CATSPER1: variants seen among roughly 807,000 people sequenced by gnomAD.
The protein encoded by CATSPER1 is cation channel sperm-associated protein 1.
Under a neutral mutation model 72.7 loss-of-function variants are expected in CATSPER1, and 57 were observed. That is an observed-to-expected ratio of 0.78 (90% CI 0.63 to 0.98). The LOEUF (loss-of-function observed/expected upper bound fraction) is 0.98. Among genes scored for constraint, CATSPER1 ranks in the 50% least tolerant of loss-of-function variants. The pLI, the probability that CATSPER1 is intolerant of heterozygous loss-of-function variation, is 0.00. For missense variants in CATSPER1, 910 were observed against 1,033.9 expected (o/e 0.88, Z 1.64); for synonymous variants, 363 against 403.0 (o/e 0.90, Z 1.19).
chr11:66,019,010 C>T, intron 9 of CATSPER1, 108 bp from the exon 10 acceptor site: 1 of 936,708 alleles, frequency 1.1e-6, no homozygotes, highest in South Asian at 1.4e-5. Flanking sequence ...GGCCAGGCTG[C>T]TCCAGGAGGT....
Position 66,026,310 on chromosome 11 carries a change from G to T in CATSPER1, c.70C>A (p.Arg24Ser). Reference protein sequence around the residue: ...ADTNNADRFFRSHSSPPHHRP... With the variant: ...ADTNNADRFFSSHSSPPHHRP... ...TGGTGTGGGGGTGATGAGTGAGAGC[G>T]AAAGAACCTATCTGCGTTATTGGTG... is the stretch of plus-strand genomic sequence containing the variant. Residue 24 changes from arginine (R) to serine (S), a missense_variant, in exon 1 of 12, where the codon CGC (arginine) becomes AGC (serine). By Grantham distance (110) the Arg-to-Ser change is moderately radical (BLOSUM62 -1). Coordinates refer to ENST00000312106, the MANE Select transcript of CATSPER1 (RefSeq NM_053054.4). The T allele has an allele frequency of 1.2e-6, 2 of 1,614,184 alleles. 1 individual carries two copies. Among genetic ancestry groups the T allele is most frequent in the South Asian group, 2.2e-5 (2 of 91,086 alleles).
chr11:66,023,107 A>G, intron 1 of CATSPER1, 46 bp from the exon 2 acceptor site: 2 of 1,556,040 alleles, frequency 1.3e-6, no homozygotes, highest in Non-Finnish European at 1.8e-6. Flanking sequence ...AAGAGGGGAC[A>G]CGAGGTCCCA....
Position 66,021,770 on chromosome 11 carries a change from A to G in CATSPER1, c.1539T>C (p.Asn513=). Residue 513 remains asparagine, a synonymous_variant, in exon 3 of 12, where the codon AAT becomes AAC. Coordinates refer to ENST00000312106, the MANE Select transcript of CATSPER1 (RefSeq NM_053054.4). ...GLSYFFDFWN[N]LDFFIMAMAV... Reference sequence around the variant, plus strand: ...CCTGGCCCCGGCCGCACCCACCCAAATTGTTCCAGAAGTCAAAGAAGTACG... The same window carrying G: ...CCTGGCCCCGGCCGCACCCACCCAAGTTGTTCCAGAAGTCAAAGAAGTACG... The G allele has an allele frequency of 1.2e-6, 2 of 1,613,996 alleles. No individual in the cohort carries two copies. Among genetic ancestry groups the G allele is most frequent in the Non-Finnish European group, 1.7e-6 (2 of 1,179,922 alleles).
rs536562473 is a variant in CATSPER1 at position 66,025,092 on chromosome 11, C to T, written c.1216+72G>A. 359 of 1,593,868 alleles carry T rather than the reference C, an allele frequency of 2.3e-4. 5 individuals are homozygous for T. In the South Asian group the frequency reaches 3.4e-3, roughly 15 times the overall value. ...CCTTACGATCTGCGGAAGGACAGTGCGGGGCCGAGATCAGGTCTGGATCCT... is the reference window on the plus strand; with the variant it reads ...CCTTACGATCTGCGGAAGGACAGTGTGGGGCCGAGATCAGGTCTGGATCCT... On this transcript the variant is annotated intron_variant, in intron 1 of 11. Transcript: ENST00000312106.
chr11:66,021,666 C>G lies in CATSPER1; in HGVS notation c.1544-23G>C, dbSNP rs34114713. 398,325 of 1,605,538 alleles carry G rather than the reference C, an allele frequency of 0.25. 52,119 individuals carry two copies. Among genetic ancestry groups the G allele is most frequent in the Admixed American group, 0.43 (24,711 of 57,920 alleles). ...AGTCTGAGGGCACGGGGTGCCTGAG[C>G]CTGGCGGGCTCCCAACGCCAGCGCC... On this transcript the variant is annotated intron_variant, in intron 3 of 11. Coordinates refer to ENST00000312106, the MANE Select transcript of CATSPER1 (RefSeq NM_053054.4).
intron 2 of CATSPER1, 31 bp downstream of exon 2, chr11:66,022,818 C>T: frequency 6.2e-7 from 1 of 1,611,708 alleles, no homozygotes; most frequent in East Asian, 2.2e-5. Flanking sequence ...TCGGTGGCTT[C>T]TCCATGGGAA....
Position 66,022,958 on chromosome 11 carries a change from G to A in CATSPER1, c.1320C>T (p.Ile440=). The A allele has an allele frequency of 6.2e-7, 1 of 1,614,250 alleles. No individual in the cohort carries two copies. The highest frequency in any genetic ancestry group is 8.5e-7 in the Non-Finnish European group (1 of 1,180,044). ...AGGCCAAGGATTGGGTCAGGTTCCG[G>A]ATCATTTCCCGGAAGCCCTGAATGA... is the stretch of plus-strand genomic sequence containing the variant. ...TFLIQGFREM[I]RNLTQSLAFE... The change falls in exon 2 of 12, where the codon ATC becomes ATT. Residue 440 remains isoleucine (I), a synonymous_variant. Coordinates refer to ENST00000312106, the MANE Select transcript of CATSPER1 (RefSeq NM_053054.4).
intron 9 of CATSPER1, among the ~76,000 whole-genome samples, chr11:66,019,327 AG>A (rs974429131): frequency 2.0e-5 from 3 of 150,156 alleles, no homozygotes; most frequent in African/African-American, 7.4e-5. Flanking sequence ...CCCAGGCTGG[AG>A]TGCAGTGGCA....
chr11:66,016,940 G>C, intron 11 of CATSPER1, 24 bp from the exon 12 acceptor site: 4 of 1,614,070 alleles, frequency 2.5e-6, no homozygotes, highest in Non-Finnish European at 3.4e-6. Flanking sequence ...TGGGGCACTG[G>C]TGGGTGAATG....
chr11:66,020,783 C>T lies in CATSPER1; in HGVS notation c.1927+28G>A. 1 of 1,613,606 alleles carries T rather than the reference C, an allele frequency of 6.2e-7. No individual in the cohort carries two copies. On this transcript the variant is annotated intron_variant, in intron 6 of 11. Transcript: ENST00000312106. This position sits in a 1 kb window ranked among gnomAD's most constrained non-coding sequence, Gnocchi z 4.5. ...CCGGTCCACCCCGCCAATCCCCGGC[C>T]CTCCCTGCAGCCTGGGGCCTGCCCT...
In CATSPER1 at chr11:66,026,248, C is replaced by T. The variant is rs561672366; in HGVS notation, c.132G>A (p.Glu44=). 2 of 1,614,016 alleles carry T rather than the reference C, an allele frequency of 1.2e-6. No individual in the cohort carries two copies. The highest frequency in any genetic ancestry group is 2.2e-5 in the East Asian group (1 of 44,888). Reference sequence around the variant, plus strand: ...GGTGGGGCACGCCGTGATGGTGCAACTCGTAATGGTGGAGAGCTCTGCTGT... The same window carrying T: ...GGTGGGGCACGCCGTGATGGTGCAATTCGTAATGGTGGAGAGCTCTGCTGT... ...PGHSRALHHY[E]LHHHGVPHQR... The change falls in exon 1 of 12, where the codon GAG becomes GAA. Residue 44 remains glutamate, a synonymous_variant. Coordinates refer to ENST00000312106, the MANE Select transcript of CATSPER1 (RefSeq NM_053054.4).
At position 66,025,836 on chromosome 11, in the gene CATSPER1, G is replaced by T; in HGVS notation, c.544C>A (p.His182Asn). 2 of 1,613,078 alleles carry T rather than the reference G, an allele frequency of 1.2e-6. No homozygotes were observed. The highest frequency in any genetic ancestry group is 1.7e-6 in the Non-Finnish European group (2 of 1,179,672). ...ASHHGGSYLPHGPNPYSESFH... is the reference protein window; with the variant it reads ...ASHHGGSYLPNGPNPYSESFH... Reference sequence around the variant, plus strand: ...GACTCACTGTAGGGATTGGGTCCATGGGGGAGGTAGGACCCACCATGGTGG... The same window carrying T: ...GACTCACTGTAGGGATTGGGTCCATTGGGGAGGTAGGACCCACCATGGTGG... Residue 182 changes from histidine (H) to asparagine (N), a missense_variant, in exon 1 of 12, where the codon CAT becomes AAT. Coordinates refer to ENST00000312106, the MANE Select transcript of CATSPER1 (RefSeq NM_053054.4).
At position 66,017,193 on chromosome 11, in the gene CATSPER1, G is replaced by GGGGGGC; in HGVS notation, c.2202-20_2202-19insGCCCCC. ...CTGCTGCCTGCGGGTGGGCGGGGGG[G>GGGGGGC]TCGCAGAGACAGGGGCTGGGCTGAC... On this transcript the variant is annotated intron_variant, in intron 10 of 11. Coordinates refer to ENST00000312106, the MANE Select transcript of CATSPER1 (RefSeq NM_053054.4). 5 of 493,794 alleles carry GGGGGGC rather than the reference G, an allele frequency of 1.0e-5. No homozygotes were observed. The highest frequency in any genetic ancestry group is 2.0e-5 in the Non-Finnish European group (5 of 252,610). The allele number at this position is 493,794 out of a possible 1,614,324, so 30.6% of individuals were successfully genotyped here.
chr11:66,021,495 C>T lies in CATSPER1; in HGVS notation c.1691+1G>A. 1 of 1,612,990 alleles carries T rather than the reference C, an allele frequency of 6.2e-7. No individual in the cohort carries two copies. Among genetic ancestry groups the T allele is most frequent in the South Asian group, 1.1e-5 (1 of 91,050 alleles). On this transcript the variant is annotated splice_donor_variant, in intron 4 of 11. Coordinates refer to ENST00000312106, the MANE Select transcript of CATSPER1 (RefSeq NM_053054.4). LOFTEE classifies it high-confidence loss of function. ...CCCAGGTGGGAGCCGTGGCCACTGA[C>T]CTGAGCCTCCGCAGGACCCGGATTG...
At position 66,022,834 on chromosome 11, in the gene CATSPER1, C is replaced by G. The variant is rs1205027845; in HGVS notation, c.1429+15G>C. ...CGGTGGCTTCTCCATGGGAACAGGA[C>G]TCCCTGGCTCTTACCGCCCCGGATC... is the stretch of plus-strand genomic sequence containing the variant. On this transcript the variant is annotated intron_variant, in intron 2 of 11. Transcript: ENST00000312106. 1 of 1,613,936 alleles carries G rather than the reference C, an allele frequency of 6.2e-7. No individual in the cohort carries two copies. The highest frequency in any genetic ancestry group is 1.7e-4 in the Middle Eastern group (1 of 6,052).
chr11:66,017,100 T>G lies in CATSPER1; in HGVS notation c.2276A>C (p.Gln759Pro). ...VEQEQQKFRSQAAVIDEIVDT... is the reference protein window; with the variant it reads ...VEQEQQKFRSPAAVIDEIVDT... ...CACAATCTCATCGATGACGGCTGCC[T>G]GGGAGCGGAACTTCTGCTGCTCCTG... The change falls in exon 11 of 12, where the codon CAG (glutamine) becomes CCG (proline). Residue 759 changes from glutamine to proline, a missense_variant. Transcript: ENST00000312106. 6.6e-7 allele frequency: 1 copy of G among 1,526,702 alleles called. No homozygotes were observed. Among genetic ancestry groups the G allele is most frequent in the Non-Finnish European group, 8.9e-7 (1 of 1,128,296 alleles). 94.6% of individuals were successfully genotyped at this position (1,526,702 alleles called of 1,614,324 possible). A position where few individuals can be genotyped will look rare whatever the true frequency, so the allele number is the denominator to read the frequency against.
chr11:66,020,571 A>G lies in CATSPER1; in HGVS notation c.1984T>C (p.Phe662Leu), dbSNP rs200777689. The G allele has an allele frequency of 6.2e-7, 1 of 1,611,804 alleles. No homozygotes were observed. The highest frequency in any genetic ancestry group is 8.5e-7 in the Non-Finnish European group (1 of 1,178,892). ...GCAGGGGTGAGTCCTCACTTGAGGAAGATGAAGTACTGGATGATGATGTAA... is the reference window on the plus strand; with the variant it reads ...GCAGGGGTGAGTCCTCACTTGAGGAGGATGAAGTACTGGATGATGATGTAA... ...VIYIIIQYFI[F>L]LNLVITVLVD... Residue 662 changes from phenylalanine (F) to leucine (L), a missense_variant, in exon 7 of 12, where the codon TTC becomes CTC. Transcript: ENST00000312106. This position sits in a 1 kb window ranked among gnomAD's most constrained non-coding sequence, Gnocchi z 4.5.
Position 66,017,194 on chromosome 11 carries a change from T to TGGGGGGGGGGGGGGGGGGGGGGGGCCC in CATSPER1, c.2202-21_2202-20insGGGCCCCCCCCCCCCCCCCCCCCCCCC. 3.6e-6 allele frequency: 2 copies of TGGGGGGGGGGGGGGGGGGGGGGGGCCC among 550,208 alleles called. No homozygotes were observed. Among genetic ancestry groups the TGGGGGGGGGGGGGGGGGGGGGGGGCCC allele is most frequent in the South Asian group, 1.5e-5 (1 of 65,880 alleles). 34.1% of individuals were successfully genotyped at this position (550,208 alleles called of 1,614,324 possible). On this transcript the variant is annotated intron_variant, in intron 10 of 11. Transcript: ENST00000312106. Reference sequence around the variant, plus strand: ...TGCTGCCTGCGGGTGGGCGGGGGGGTCGCAGAGACAGGGGCTGGGCTGACC... The same window carrying TGGGGGGGGGGGGGGGGGGGGGGGGCCC: ...TGCTGCCTGCGGGTGGGCGGGGGGGTGGGGGGGGGGGGGGGGGGGGGGGGCCCCGCAGAGACAGGGGCTGGGCTGACC...
Position 66,021,501 on chromosome 11 carries a change from C to T in CATSPER1, c.1686G>A (p.Arg562=). 6.2e-7 allele frequency: 1 copy of T among 1,613,260 alleles called. No individual in the cohort carries two copies. Among genetic ancestry groups the T allele is most frequent in the Non-Finnish European group, 8.5e-7 (1 of 1,180,010 alleles). The change falls in exon 4 of 12, where the codon AGG becomes AGA. Residue 562 remains arginine (R), a synonymous_variant. Coordinates refer to ENST00000312106, the MANE Select transcript of CATSPER1 (RefSeq NM_053054.4). ...RALRAIRVLR[R]LSFLTSVQEV... ...TGGGAGCCGTGGCCACTGACCTGAG[C>T]CTCCGCAGGACCCGGATTGCCCTCA... is the stretch of plus-strand genomic sequence containing the variant.
Sources: gnomAD v4.1 joint callset for allele counts (sites outside exome capture counted in the v4.1 genomes callset) on GRCh38, gnomAD v4.1.1 for gene constraint, Gnocchi (gnomAD v3.1) non-coding constraint, MANE v1.5 for transcripts, NCBI Gene and HGNC (gene_info 2026-07-23, HGNC 2026-07-21) for gene names.